The following PITPNM3 variants were observed in gnomAD, a reference collection of about 807,000 sequenced individuals.
PITPNM3 encodes the protein PITPNM family member 3, also known as membrane-associated phosphatidylinositol transfer protein 3.
In PITPNM3, 26 loss-of-function variants were observed where a neutral mutation model predicts 102.0. That is an observed-to-expected ratio of 0.25 (90% CI 0.19 to 0.35). The LOEUF (loss-of-function observed/expected upper bound fraction) is 0.35. PITPNM3 is among the 10% of genes least tolerant of loss of function. PITPNM3 has a pLI of 1.00. For synonymous variants in PITPNM3, 578 were observed against 558.6 expected (o/e 1.03, Z -0.49); for missense variants, 1,083 against 1,346.1 (o/e 0.80, Z 3.06).
chr17:6,477,017 G>C lies in PITPNM3; in HGVS notation c.1085+12C>G, dbSNP rs749372458. 6.2e-7 allele frequency: 1 copy of C among 1,613,908 alleles called. No homozygotes were observed. Among genetic ancestry groups the C allele is most frequent in the Non-Finnish European group, 8.5e-7 (1 of 1,179,960 alleles). The stretch of plus-strand genomic sequence containing the variant: ...GCCAAGGTCTTCTTGCTTCTGGACA[G>C]GGAGGGGCTACCTTGAGAGGAAGGC... On this transcript the variant is annotated intron_variant, in intron 9 of 19. Transcript: ENST00000262483.
At chr17:6,471,403 A>C (rs1364077654) in intron 11 of PITPNM3, 48 bp from the exon 12 acceptor site, 2 of 1,471,278 alleles carry the variant, frequency 1.4e-6, no homozygotes, top group Admixed American at 4.0e-5. Context: ...TCTCCAGCAG[A>C]GCTGCCCACT....
rs533477615 is a variant in PITPNM3, at chr17:6,510,706, G to A, written c.227-7132C>T. On this transcript the variant is annotated intron_variant, in intron 3 of 19. Transcript: ENST00000262483. ...TTTGGGCTCAGACAGGGAGGAAAGG[G>A]ACACACCCAGAAAAGCACAGCTGTC... Among the ~76,000 whole-genome samples, 6 of 152,386 alleles carry A rather than the reference G, an allele frequency of 3.9e-5. No homozygotes were observed. In the East Asian group the frequency reaches 1.2e-3, roughly 29 times the overall value.
Position 6,457,861 on chromosome 17 carries a change from G to C in PITPNM3, c.2491-139C>G. On this transcript the variant is annotated intron_variant, in intron 18 of 19. Coordinates refer to ENST00000262483, the MANE Select transcript of PITPNM3 (RefSeq NM_031220.4). This position sits in a 1 kb window ranked among gnomAD's most constrained non-coding sequence, Gnocchi z 4.7. ...AGACTCCAAGCCATGGGGCCACCCT[G>C]TGTCAGGAATGAACCCTCAGAGTGG... 7.8e-6 allele frequency: 10 copies of C among 1,277,156 alleles called. No individual in the cohort carries two copies. The highest frequency in any genetic ancestry group is 1.1e-5 in the Non-Finnish European group (10 of 916,924). 79.1% of individuals were successfully genotyped at this position (1,277,156 alleles called of 1,614,324 possible).
intron 2 of PITPNM3, among the ~76,000 whole-genome samples, chr17:6,533,111 C>T (rs550199040): frequency 6.6e-6 from 1 of 151,568 alleles, no homozygotes; most frequent in African/African-American, 2.4e-5. Flanking sequence ...TACAGGAATG[C>T]TCCACCATGC....
At chr17:6,521,621 A>T (rs967073417) in intron 3 of PITPNM3, among the ~76,000 whole-genome samples, 18 of 151,084 alleles carry the variant, frequency 1.2e-4, no homozygotes, top group African/African-American at 3.2e-4. Flanking sequence ...CCATTAAAAA[A>T]AAATATATAT....
rs1251095438 is a variant in PITPNM3, at chr17:6,459,930, T to G, written c.2490+1443A>C. Among the ~76,000 whole-genome samples, 1 of 152,122 alleles carries G rather than the reference T, an allele frequency of 6.6e-6. No individual in the cohort carries two copies. Among genetic ancestry groups the G allele is most frequent in the East Asian group, 1.9e-4 (1 of 5,174 alleles). ...GATTATGGTCTTCCTGTCTTTTGCTTGGGCAACAGCCCCCTAACTGGCCTC... is the reference window on the plus strand; with the variant it reads ...GATTATGGTCTTCCTGTCTTTTGCTGGGGCAACAGCCCCCTAACTGGCCTC... On this transcript the variant is annotated intron_variant, in intron 18 of 19. Coordinates refer to ENST00000262483, the MANE Select transcript of PITPNM3 (RefSeq NM_031220.4). The surrounding 1 kb of genome is among the most constrained non-coding windows in gnomAD (Gnocchi z 5.0).
At chr17:6,544,531 C>CA (rs925074828) in intron 1 of PITPNM3, among the ~76,000 whole-genome samples, 16 of 150,740 alleles carry the variant, frequency 1.1e-4, no homozygotes, top group African/African-American at 3.7e-4. Flanking sequence ...GCCTCTGTCT[C>CA]AAAAAAAATA....
At position 6,472,035 on chromosome 17, in the gene PITPNM3, T is replaced by C. The variant is rs750729329; in HGVS notation, c.1429+622A>G. ...CAGGCTTAGGCTAAATTTCCTCAAG[T>C]AGGGCGTGGAGCCAAGGCTCCGATT... On this transcript the variant is annotated intron_variant, in intron 11 of 19. Transcript: ENST00000262483. The surrounding 1 kb of genome is among the most constrained non-coding windows in gnomAD (Gnocchi z 4.1). Among the ~76,000 whole-genome samples the C allele has an allele frequency of 1.3e-5, 2 of 152,160 alleles. No individual in the cohort carries two copies. The highest frequency in any genetic ancestry group is 2.4e-5 in the African/African-American group (1 of 41,434).
chr17:6,481,849 ATGATAGAGAGAGAGAGAGAG>A (rs1359439936), intron 6 of PITPNM3: 1 of 99,062 alleles, frequency 1.0e-5, no homozygotes, highest in African/African-American at 3.9e-5. Context: ...ACAGAATAGA[ATGATAGAGAGAGAGAGAGAG>A]AGAGAGAGAG....
At position 6,477,079 on chromosome 17, in the gene PITPNM3, G is replaced by A; in HGVS notation, c.1035C>T (p.Ser345=). 2.5e-6 allele frequency: 4 copies of A among 1,614,206 alleles called. No homozygotes were observed. Among genetic ancestry groups the A allele is most frequent in the Non-Finnish European group, 3.4e-6 (4 of 1,180,048 alleles). ...TGATGGCCTCGCAGTCATAGGTGGA[G>A]GAGTCGCTCTGTTTCCGCGGCAACG... The part of the protein sequence containing the change: ...KRPLPRKQSD[S]STYDCEAITQ... Residue 345 remains serine (S), a synonymous_variant, in exon 9 of 20, where the codon TCC becomes TCT. Transcript: ENST00000262483.
At position 6,454,885 on chromosome 17, in the gene PITPNM3, A is replaced by C; in HGVS notation, c.*453T>G. ...GACCCAAACCACAGGAAGGGCGGGC[A>C]CAAATGCCACTCACACCTCCACAAG... is the stretch of plus-strand genomic sequence containing the variant. On this transcript the variant is annotated 3_prime_UTR_variant, in exon 20 of 20. Coordinates refer to ENST00000262483, the MANE Select transcript of PITPNM3 (RefSeq NM_031220.4). 1 of 172,024 alleles carries C rather than the reference A, an allele frequency of 5.8e-6. No homozygotes were observed. The highest frequency in any genetic ancestry group is 1.2e-5 in the Non-Finnish European group (1 of 81,552). The allele number at this position is 172,024 out of a possible 1,614,324, so 10.7% of individuals were successfully genotyped here. A position where few individuals can be genotyped will look rare whatever the true frequency, so the allele number is the denominator to read the frequency against.
At chr17:6,525,993 G>A (rs1300298387) in intron 2 of PITPNM3, among the ~76,000 whole-genome samples, 1 of 152,216 alleles carries the variant, frequency 6.6e-6, no homozygotes, top group East Asian at 1.9e-4. Context: ...TCACCACCAG[G>A]AGTTGAGTGG....
At chr17:6,538,360 C>T (rs1235332132) in intron 1 of PITPNM3, among the ~76,000 whole-genome samples, 1 of 152,218 alleles carries the variant, frequency 6.6e-6, no homozygotes, top group Non-Finnish European at 1.5e-5. Flanking sequence ...GCCAAGGTGA[C>T]TTTGCCAAGC....
At chr17:6,464,887 TCTA>T in intron 14 of PITPNM3, 116 bp from the exon 15 acceptor site, 1 of 949,000 alleles carries the variant, frequency 1.1e-6, no homozygotes, top group Admixed American at 1.7e-5. Context: ...ATCATGTCTC[TCTA>T]CTAACTTCTG....
chr17:6,547,406 T>C (rs964366416), intron 1 of PITPNM3, among the ~76,000 whole-genome samples: 9 of 152,242 alleles, frequency 5.9e-5, no homozygotes, highest in African/African-American at 2.2e-4. Flanking sequence ...CCAACAGTTC[T>C]GAATTATTTG....
intron 4 of PITPNM3, among the ~76,000 whole-genome samples, chr17:6,498,651 G>C (rs1008035511): frequency 2.0e-5 from 3 of 152,176 alleles, no homozygotes; most frequent in African/African-American, 7.2e-5. Flanking sequence ...GGACAGGGAG[G>C]AGTGGGTGGG....
intron 9 of PITPNM3, among the ~76,000 whole-genome samples, chr17:6,475,512 C>T (rs1905263862): frequency 6.6e-6 from 1 of 152,192 alleles, no homozygotes; most frequent in African/African-American, 2.4e-5. Context: ...AGTGCCCCAC[C>T]CTCAGGAGTG....
chr17:6,471,112 G>A (rs756376016), intron 12 of PITPNM3, 49 bp downstream of exon 12: 2 of 1,602,078 alleles, frequency 1.2e-6, no homozygotes, highest in Non-Finnish European at 1.7e-6. Flanking sequence ...CCCAGAGGAA[G>A]GTTCCCCTCC....
At chr17:6,467,873 C>T (rs749052228) in intron 14 of PITPNM3, among the ~76,000 whole-genome samples, 2 of 152,214 alleles carry the variant, frequency 1.3e-5, no homozygotes, top group African/African-American at 2.4e-5. Flanking sequence ...TCACACCAGG[C>T]CATACTCAAT....
Sources: allele counts gnomAD v4.1 joint callset (sites outside exome capture counted in the v4.1 genomes callset), GRCh38; gene constraint gnomAD v4.1.1; non-coding constraint Gnocchi (gnomAD v3.1); transcripts MANE v1.5; gene names NCBI Gene and HGNC (gene_info 2026-07-23, HGNC 2026-07-21).